RAP1GAP: variants seen among roughly 807,000 people sequenced by gnomAD.
RAP1GAP encodes the protein RAP1 GTPase activating protein, also known as rap1 GTPase-activating protein 1.
A neutral mutation model predicts 87.2 loss-of-function variants in RAP1GAP; 35 were observed. The ratio of observed to expected loss-of-function variants is 0.40; its 90% CI spans 0.31 to 0.53. RAP1GAP has a LOEUF of 0.53. RAP1GAP is among the 20% of genes least tolerant of loss of function. The pLI, the probability that RAP1GAP is intolerant of heterozygous loss-of-function variation, is 0.48. For missense variants in RAP1GAP, 734 were observed against 898.9 expected, an observed-to-expected ratio of 0.82 and a Z score of 2.35; for synonymous variants, 375 against 363.9, an observed-to-expected ratio of 1.03 and a Z score of -0.35.
chr1:21,632,676 G>C (rs1332670591), intron 2 of RAP1GAP, among the ~76,000 whole-genome samples: 1 of 152,112 alleles, frequency 6.6e-6, no homozygotes, highest in African/African-American at 2.4e-5. Context: ...GAGGTGGGAG[G>C]AACACTTGAA....
chr1:21,634,911 A>C lies in RAP1GAP; in HGVS notation c.-112-8514T>G, dbSNP rs1571080874. On this transcript the variant is annotated intron_variant, in intron 2 of 24. Coordinates refer to ENST00000374765, the MANE Select transcript of RAP1GAP (RefSeq NM_002885.4). The surrounding 1 kb of genome is among the most constrained non-coding windows in gnomAD (Gnocchi z 4.1). ...AAGGAGGAGGAGTGACTCTGAGATG[A>C]CCCGGCCGCAGGGCCTCTTCCTGCC... is the stretch of plus-strand genomic sequence containing the variant. The C allele has an allele frequency of 5.6e-6, 1 of 178,610 alleles. No individual in the cohort carries two copies. Among genetic ancestry groups the C allele is most frequent in the Non-Finnish European group, 1.3e-5 (1 of 77,974 alleles). 11.1% of individuals were successfully genotyped at this position (178,610 alleles called of 1,614,324 possible).
At position 21,649,627 on chromosome 1, in the gene RAP1GAP, C is replaced by T. The variant is rs953831906; in HGVS notation, c.-113+134G>A. The T allele has an allele frequency of 1.3e-5, 13 of 1,038,662 alleles. No homozygotes were observed. The African/African-American group carries it at 1.6e-4, about 13-fold the overall frequency. 64.3% of individuals were successfully genotyped at this position (1,038,662 alleles called of 1,614,324 possible). ...TGGGGACAGTAAGAGGGTCTGCCCA[C>T]CCCCTTGCCCTGAGAGGATGGTTGG... On this transcript the variant is annotated intron_variant, in intron 2 of 24. Transcript: ENST00000374765.
At chr1:21,625,551 T>C (rs918895677) in intron 3 of RAP1GAP, among the ~76,000 whole-genome samples, 3 of 152,200 alleles carry the variant, frequency 2.0e-5, no homozygotes, top group African/African-American at 7.2e-5. Flanking sequence ...ACTGAACCTC[T>C]CTGAGCCTCA....
chr1:21,649,760 C>G lies in RAP1GAP; in HGVS notation c.-113+1G>C. 1 of 1,552,506 alleles carries G rather than the reference C, an allele frequency of 6.4e-7. No individual in the cohort carries two copies. ...CCCTCCTGAGAGTCCCCAGTACTCA[C>G]CACACACTCCGGCGAGAAGTGAAGG... On this transcript the variant is annotated splice_donor_variant, in intron 2 of 24. Transcript: ENST00000374765. LOFTEE classifies it low-confidence loss of function (5UTR_SPLICE).
chr1:21,641,720 T>C (rs951073181), intron 2 of RAP1GAP, among the ~76,000 whole-genome samples: 1 of 152,096 alleles, frequency 6.6e-6, no homozygotes, highest in African/African-American at 2.4e-5. Flanking sequence ...GAAACTGAGG[T>C]TCAGAGAGGT....
At position 21,622,088 on chromosome 1, in the gene RAP1GAP, C is replaced by T. The variant is rs955220429; in HGVS notation, c.-18-2038G>A. Among the ~76,000 whole-genome samples, 3 of 152,176 alleles carry T rather than the reference C, an allele frequency of 2.0e-5. No homozygotes were observed. Among genetic ancestry groups the T allele is most frequent in the African/African-American group, 7.2e-5 (3 of 41,468 alleles). On this transcript the variant is annotated intron_variant, in intron 3 of 24. Coordinates refer to ENST00000374765, the MANE Select transcript of RAP1GAP (RefSeq NM_002885.4). The surrounding 1 kb of genome is among the most constrained non-coding windows in gnomAD (Gnocchi z 5.7). ...AAAGTGGTCCCGACGGTAGCACGCA[C>T]CCACACACACCCTGCCGCTGCAGCC...
chr1:21,600,715 T>C (rs1489043385), intron 20 of RAP1GAP, among the ~76,000 whole-genome samples: 1 of 151,794 alleles, frequency 6.6e-6, no homozygotes, highest in Admixed American at 6.6e-5. Flanking sequence ...TGAAACCCCG[T>C]ATCTACTAAA....
intron 1 of RAP1GAP, among the ~76,000 whole-genome samples, chr1:21,652,836 C>T (rs2096671478): frequency 6.6e-6 from 1 of 152,214 alleles, no homozygotes; most frequent in Non-Finnish European, 1.5e-5. Flanking sequence ...GCCCTCCAGC[C>T]CAACACCCAG....
chr1:21,662,899 A>T (rs966672904), intron 1 of RAP1GAP, among the ~76,000 whole-genome samples: 14 of 152,208 alleles, frequency 9.2e-5, no homozygotes, highest in African/African-American at 3.4e-4. Flanking sequence ...AAAAGTGCTT[A>T]CATAGGGCCC....
At chr1:21,639,180 C>A (rs953114668) in intron 2 of RAP1GAP, among the ~76,000 whole-genome samples, 1 of 152,234 alleles carries the variant, frequency 6.6e-6, no homozygotes, top group Admixed American at 6.5e-5. Context: ...GGCTCCATGC[C>A]CTGAGCTGCC....
intron 4 of RAP1GAP, among the ~76,000 whole-genome samples, chr1:21,619,312 C>T (rs975926842): frequency 4.6e-5 from 7 of 151,276 alleles, no homozygotes; most frequent in Admixed American, 1.3e-4. Context: ...CGGGAACGCA[C>T]GTGCCGCTGG....
intron 17 of RAP1GAP, 21 bp from the exon 18 acceptor site, chr1:21,606,218 G>A (rs1445991442): frequency 1.9e-6 from 3 of 1,568,398 alleles, no homozygotes; most frequent in Admixed American, 3.7e-5. Context: ...GGTGGCAGTG[G>A]AGGAGGCACA....
chr1:21,662,751 T>A (rs1041872871), intron 1 of RAP1GAP, among the ~76,000 whole-genome samples: 1 of 151,878 alleles, frequency 6.6e-6, no homozygotes. Context: ...TACACAGAAA[T>A]GGCTAAAAGT....
intron 1 of RAP1GAP, among the ~76,000 whole-genome samples, chr1:21,660,044 C>G (rs960101458): frequency 2.0e-5 from 3 of 151,980 alleles, no homozygotes; most frequent in African/African-American, 7.2e-5. Context: ...CCTGGCTGCT[C>G]TGTCCTGGTA....
At chr1:21,602,345 G>A (rs2069366225) in intron 19 of RAP1GAP, among the ~76,000 whole-genome samples, 3 of 152,350 alleles carry the variant, frequency 2.0e-5, no homozygotes. Flanking sequence ...CGGGGAGGCA[G>A]CCGGGAGCTA....
intron 2 of RAP1GAP, among the ~76,000 whole-genome samples, chr1:21,628,727 A>T (rs2093027651): frequency 6.6e-6 from 1 of 152,108 alleles, no homozygotes; most frequent in Admixed American, 6.5e-5. Flanking sequence ...TCAAATAAAA[A>T]AAATACAAAA....
chr1:21,651,846 C>T (rs957404723), intron 1 of RAP1GAP: 3 of 1,133,316 alleles, frequency 2.6e-6, no homozygotes, highest in East Asian at 4.8e-5. Flanking sequence ...CCGCCCGGCC[C>T]GGCCCGCGCG....
chr1:21,642,469 C>A (rs911118364), intron 2 of RAP1GAP, among the ~76,000 whole-genome samples: 3 of 152,220 alleles, frequency 2.0e-5, no homozygotes, highest in African/African-American at 7.2e-5. Context: ...AGAGAAGTCA[C>A]CCAGCCAGCT....
intron 2 of RAP1GAP, among the ~76,000 whole-genome samples, chr1:21,639,556 T>C (rs1437747143): frequency 1.3e-5 from 2 of 152,206 alleles, no homozygotes; most frequent in African/African-American, 4.8e-5. Flanking sequence ...GTGTTGAGAA[T>C]TTCTCCCTGC....
Sources: allele counts gnomAD v4.1 joint callset (sites outside exome capture counted in the v4.1 genomes callset), GRCh38; gene constraint gnomAD v4.1.1; non-coding constraint Gnocchi (gnomAD v3.1); transcripts MANE v1.5; gene names NCBI Gene and HGNC (gene_info 2026-07-23, HGNC 2026-07-21).